The following CTNNA2 variants were observed in gnomAD, a reference collection of about 807,000 sequenced individuals.
CTNNA2 encodes the protein catenin alpha 2.
A neutral mutation model predicts 101.0 loss-of-function variants in CTNNA2; 42 were observed. That is an observed-to-expected ratio of 0.42 (90% CI 0.32 to 0.54). CTNNA2 has a LOEUF of 0.54. CTNNA2 is among the 20% of genes least tolerant of loss of function. CTNNA2 has a pLI of 0.14. For synonymous variants in CTNNA2, 450 were observed against 456.4 expected (o/e 0.99, Z 0.18); for missense variants, 871 against 1,223.1 (o/e 0.71, Z 4.29).
intron 17 of CTNNA2, among the ~76,000 whole-genome samples, chr2:80,617,477 G>A (rs916006123): frequency 4.0e-5 from 6 of 151,746 alleles, no homozygotes; most frequent in Admixed American, 3.9e-4. Flanking sequence ...GATACAGCAA[G>A]GAAAATATAT....
intron 7 of CTNNA2, among the ~76,000 whole-genome samples, chr2:80,199,143 T>C (rs376026044): frequency 7.5e-6 from 1 of 133,646 alleles, no homozygotes; most frequent in South Asian, 2.5e-4. Context: ...ATTGTGCCAT[T>C]GCACTCCAGC....
intron 7 of CTNNA2, among the ~76,000 whole-genome samples, chr2:80,118,524 G>A (rs1420351495): frequency 6.6e-6 from 1 of 152,154 alleles, no homozygotes; most frequent in Non-Finnish European, 1.5e-5. Flanking sequence ...GCACACAAAC[G>A]TTGACTGAAA....
intron 7 of CTNNA2, among the ~76,000 whole-genome samples, chr2:80,013,695 C>T (rs1693939653): frequency 6.6e-6 from 1 of 152,162 alleles, no homozygotes; most frequent in South Asian, 2.1e-4. Context: ...CAGTCTCTCC[C>T]TAAGTAGAAT....
intron 7 of CTNNA2, among the ~76,000 whole-genome samples, chr2:80,164,945 T>G (rs73938212): frequency 1.8e-5 from 2 of 108,230 alleles, no homozygotes; most frequent in Non-Finnish European, 3.4e-5. Context: ...TTTGGTTTTT[T>G]TTTTTTTTTT....
chr2:80,344,490 A>G (rs1333905693), intron 7 of CTNNA2, among the ~76,000 whole-genome samples: 2 of 152,144 alleles, frequency 1.3e-5, no homozygotes, highest in African/African-American at 4.8e-5. Context: ...CAATCTTAAC[A>G]TTCCCAAATG....
intron 4 of CTNNA2, among the ~76,000 whole-genome samples, chr2:79,413,661 G>A (rs987179928): frequency 6.6e-6 from 1 of 151,868 alleles, no homozygotes; most frequent in African/African-American, 2.4e-5. Flanking sequence ...AATGATTATA[G>A]TAATTTTCAT....
chr2:79,978,862 G>A (rs1381909245), intron 7 of CTNNA2, among the ~76,000 whole-genome samples: 1 of 152,112 alleles, frequency 6.6e-6, no homozygotes, highest in Non-Finnish European at 1.5e-5. Context: ...AATAGTTTGT[G>A]TATTATCTCA....
At position 79,974,882 on chromosome 2, in the gene CTNNA2, G is replaced by A. The variant is rs548869748; in HGVS notation, c.1056+65085G>A. Among the ~76,000 whole-genome samples, 5 of 152,260 alleles carry A rather than the reference G, an allele frequency of 3.3e-5. No homozygotes were observed. In the East Asian group the frequency reaches 9.7e-4, roughly 29 times the overall value. ...AGGAGGGGTAAAGACTGAGCTTGAG[G>A]TCTTAGATTAGGTAGCTCTGAAAGG... On this transcript the variant is annotated intron_variant, in intron 7 of 18. Transcript: ENST00000402739.
intron 7 of CTNNA2, among the ~76,000 whole-genome samples, chr2:80,283,058 T>C (rs1674506909): frequency 3.9e-5 from 6 of 152,040 alleles, no homozygotes; most frequent in Admixed American, 3.9e-4. Flanking sequence ...ATTTTGGAGA[T>C]TGAGGGTGAC....
intron 7 of CTNNA2, chr2:80,299,589 A>C (rs775885320): frequency 2.0e-5 from 3 of 152,222 alleles, no homozygotes; most frequent in Admixed American, 6.5e-5. Flanking sequence ...TGAAATGCGT[A>C]TGGACTTAAG....
rs367616252 is a variant in CTNNA2 at position 80,585,757 on chromosome 2, TCA to T, written c.2008-3544_2008-3543del. 3.2e-3 allele frequency among the ~76,000 whole-genome samples: 495 copies of T among 152,346 alleles called. 3 individuals carry two copies. Among genetic ancestry groups the T allele is most frequent in the African/African-American group, 0.011 (440 of 41,580 alleles). ...TTCTAATTTGATTAACTTGCAAATT[TCA>T]CAGTTTGTGATCTACTGTTTATAGA... On this transcript the variant is annotated intron_variant, in intron 14 of 18. Transcript: ENST00000402739.
intron 3 of CTNNA2, among the ~76,000 whole-genome samples, chr2:79,324,353 T>G (rs1029940019): frequency 2.0e-5 from 3 of 152,022 alleles, no homozygotes; most frequent in Non-Finnish European, 4.4e-5. Flanking sequence ...GGGGCATAAG[T>G]GCTGTCCTAG....
At chr2:80,500,813 A>G (rs1235019856) in intron 9 of CTNNA2, among the ~76,000 whole-genome samples, 1 of 152,172 alleles carries the variant, frequency 6.6e-6, no homozygotes, top group Non-Finnish European at 1.5e-5. Flanking sequence ...TTTGTTTTGC[A>G]ATATACATTT....
chr2:79,395,019 T>G (rs1678214285), intron 4 of CTNNA2, among the ~76,000 whole-genome samples: 1 of 152,154 alleles, frequency 6.6e-6, no homozygotes, highest in Non-Finnish European at 1.5e-5. Context: ...CAATGATAAT[T>G]AACAGTTATT....
At chr2:79,514,927 G>A (rs1671729298) in intron 1 of CTNNA2, among the ~76,000 whole-genome samples, 1 of 152,160 alleles carries the variant, frequency 6.6e-6, no homozygotes, top group Non-Finnish European at 1.5e-5. Flanking sequence ...TATGACAGTA[G>A]TGCAATATGC....
intron 7 of CTNNA2, among the ~76,000 whole-genome samples, chr2:79,958,418 T>C (rs1439970036): frequency 6.6e-6 from 1 of 152,026 alleles, no homozygotes; most frequent in Non-Finnish European, 1.5e-5. Flanking sequence ...GGCCCCTAGG[T>C]AATCACAAAG....
intron 7 of CTNNA2, among the ~76,000 whole-genome samples, chr2:80,043,091 C>T (rs1696235479): frequency 6.0e-5 from 1 of 16,658 alleles, no homozygotes; most frequent in African/African-American, 4.4e-4. Flanking sequence ...TTCTTTCTTT[C>T]TTTCTCTCTC....
At chr2:80,338,170 G>A (rs768193798) in intron 7 of CTNNA2, among the ~76,000 whole-genome samples, 1 of 151,966 alleles carries the variant, frequency 6.6e-6, no homozygotes, top group Non-Finnish European at 1.5e-5. Context: ...TATATTTGTG[G>A]TAGAGACAGG....
intron 2 of CTNNA2, among the ~76,000 whole-genome samples, chr2:79,702,009 A>T (rs2104760949): frequency 6.6e-6 from 1 of 151,356 alleles, no homozygotes; most frequent in Admixed American, 6.6e-5. Flanking sequence ...AAAAAAAAAA[A>T]AAAAAAAAAA....
Sources: allele counts gnomAD v4.1 joint callset (sites outside exome capture counted in the v4.1 genomes callset), GRCh38; gene constraint gnomAD v4.1.1; transcripts MANE v1.5; gene names NCBI Gene and HGNC (gene_info 2026-07-23, HGNC 2026-07-21).